Variants in LSAMP observed in about 807,000 individuals in gnomAD.
The protein encoded by LSAMP is limbic system-associated membrane protein.
A neutral mutation model predicts 38.6 loss-of-function variants in LSAMP; 7 were observed. That is an observed-to-expected ratio of 0.18 (90% CI 0.10 to 0.34). LSAMP has a LOEUF of 0.34. Ranked by LOEUF, LSAMP falls within the 10% of genes least tolerant of loss-of-function variation. The pLI is 1.00. For missense variants in LSAMP, 313 were observed against 420.0 expected, an observed-to-expected ratio of 0.75 and a Z score of 2.23; for synonymous variants, 154 against 166.8, an observed-to-expected ratio of 0.92 and a Z score of 0.59.
intron 6 of LSAMP, among the ~76,000 whole-genome samples, chr3:115,825,679 C>T (rs13066969): frequency 0.16 from 24,458 of 152,138 alleles, 2,280 homozygotes; most frequent in Middle Eastern, 0.23. Flanking sequence ...TGCCCAATCT[C>T]TAACCTTTAT....
intron 1 of LSAMP, among the ~76,000 whole-genome samples, chr3:116,442,598 A>G (rs1275552849): frequency 1.3e-5 from 2 of 152,190 alleles, no homozygotes; most frequent in Admixed American, 6.5e-5. Context: ...AATTCTCTCC[A>G]TAGTTAATTC....
chr3:116,274,686 G>A (rs533277087), intron 1 of LSAMP, among the ~76,000 whole-genome samples: 1 of 151,970 alleles, frequency 6.6e-6, no homozygotes, highest in East Asian at 1.9e-4. Flanking sequence ...TGGTAAATAA[G>A]GTGTTTTACT....
intron 1 of LSAMP, among the ~76,000 whole-genome samples, chr3:116,207,765 G>A (rs12109427): frequency 0.5 from 75,078 of 151,176 alleles, 21,057 homozygotes; most frequent in East Asian, 0.74. Flanking sequence ...GGTTTCTGCC[G>A]AGAGATCAGC....
intron 2 of LSAMP, among the ~76,000 whole-genome samples, chr3:116,054,661 T>G (rs1174873467): frequency 6.6e-6 from 1 of 152,174 alleles, no homozygotes; most frequent in Admixed American, 6.5e-5. Context: ...ATTTAATAAA[T>G]ATACAAATGA....
intron 1 of LSAMP, among the ~76,000 whole-genome samples, chr3:116,293,083 T>C (rs1576487747): frequency 6.6e-6 from 1 of 152,294 alleles, no homozygotes; most frequent in East Asian, 1.9e-4. Flanking sequence ...GTACCATAAT[T>C]TTCTTCAGAA....
At chr3:116,198,832 C>G (rs2045950131) in intron 1 of LSAMP, among the ~76,000 whole-genome samples, 1 of 150,654 alleles carries the variant, frequency 6.6e-6, no homozygotes, top group South Asian at 2.1e-4. Context: ...AATCCCAGCA[C>G]TTTGGGAGCC....
At chr3:115,856,496 G>A (rs1203891133) in intron 3 of LSAMP, among the ~76,000 whole-genome samples, 1 of 152,082 alleles carries the variant, frequency 6.6e-6, no homozygotes, top group Non-Finnish European at 1.5e-5. Context: ...GCATGTGCCT[G>A]TAATCCCAGC....
chr3:116,202,755 C>A (rs976935656), intron 1 of LSAMP, among the ~76,000 whole-genome samples: 13 of 152,202 alleles, frequency 8.5e-5, no homozygotes, highest in Admixed American at 6.5e-4. Context: ...TAAATATATT[C>A]AACACTAGTT....
At chr3:115,950,640 A>G (rs1938251954) in intron 3 of LSAMP, among the ~76,000 whole-genome samples, 2 of 152,062 alleles carry the variant, frequency 1.3e-5, no homozygotes, top group Non-Finnish European at 2.9e-5. Flanking sequence ...GTTGGGTAGA[A>G]TCAATATTGT....
chr3:116,328,846 C>T (rs2107738394), intron 1 of LSAMP, among the ~76,000 whole-genome samples: 1 of 152,126 alleles, frequency 6.6e-6, no homozygotes, highest in East Asian at 1.9e-4. Context: ...TTTCTATATA[C>T]TTATAAAAAT....
At chr3:115,959,371 G>C (rs1030890704) in intron 3 of LSAMP, among the ~76,000 whole-genome samples, 18 of 152,172 alleles carry the variant, frequency 1.2e-4, no homozygotes, top group African/African-American at 4.3e-4. Context: ...GAAGAGGAAA[G>C]TGAAGAGGCT....
At chr3:116,309,459 T>G (rs1258624712) in intron 1 of LSAMP, among the ~76,000 whole-genome samples, 1 of 152,110 alleles carries the variant, frequency 6.6e-6, no homozygotes, top group African/African-American at 2.4e-5. Flanking sequence ...AATTTTTAAT[T>G]TAGTTTAATT....
intron 1 of LSAMP, among the ~76,000 whole-genome samples, chr3:116,105,505 G>T (rs1364682289): frequency 6.6e-6 from 1 of 152,128 alleles, no homozygotes; most frequent in African/African-American, 2.4e-5. Flanking sequence ...GATTTGGAAA[G>T]GTAATGGAAA....
intron 1 of LSAMP, among the ~76,000 whole-genome samples, chr3:116,383,304 C>G (rs528498754): frequency 1.3e-5 from 2 of 151,976 alleles, no homozygotes; most frequent in Admixed American, 6.6e-5. Flanking sequence ...GTGTCATGGA[C>G]TAACAGTAGC....
At chr3:116,152,978 A>C (rs1709646283) in intron 1 of LSAMP, among the ~76,000 whole-genome samples, 1 of 152,090 alleles carries the variant, frequency 6.6e-6, no homozygotes, top group African/African-American at 2.4e-5. Flanking sequence ...ATATATAAAA[A>C]ATACTCAAAA....
At chr3:115,959,789 C>T (rs1938567611) in intron 3 of LSAMP, among the ~76,000 whole-genome samples, 1 of 152,148 alleles carries the variant, frequency 6.6e-6, no homozygotes, top group Non-Finnish European at 1.5e-5. Context: ...TTTATCATCA[C>T]TATTACTATT....
At chr3:116,142,745 G>A (rs1040258880) in intron 1 of LSAMP, among the ~76,000 whole-genome samples, 2 of 151,884 alleles carry the variant, frequency 1.3e-5, no homozygotes, top group African/African-American at 4.8e-5. Context: ...GCCTGTTACA[G>A]AGTGATATTC....
At chr3:116,375,812 C>A (rs1383925762) in intron 1 of LSAMP, among the ~76,000 whole-genome samples, 1 of 151,850 alleles carries the variant, frequency 6.6e-6, no homozygotes, top group Non-Finnish European at 1.5e-5. Context: ...ATTCGACTCT[C>A]TTTAGTGTTT....
chr3:116,161,910 C>T (rs576427118), intron 1 of LSAMP, among the ~76,000 whole-genome samples: 27 of 151,902 alleles, frequency 1.8e-4, no homozygotes, highest in Admixed American at 1.2e-3. Context: ...CACATATACA[C>T]GTAGATTCAA....
Sources: allele counts gnomAD v4.1 joint callset (sites outside exome capture counted in the v4.1 genomes callset), GRCh38; gene constraint gnomAD v4.1.1; transcripts MANE v1.5; gene names NCBI Gene and HGNC (gene_info 2026-07-23, HGNC 2026-07-21).